Variants in TNS4 observed in about 807,000 individuals in gnomAD.
TNS4 encodes tensin 4.
TNS4 carries 46 observed loss-of-function variants against 70.4 expected under a neutral mutation model. The ratio of observed to expected loss-of-function variants is 0.65; its 90% CI spans 0.52 to 0.84. The LOEUF is 0.84. TNS4 is among the 40% of genes least tolerant of loss of function. The probability of loss-of-function intolerance (pLI) is 0.00; values close to 1 mark genes in which losing one functional copy is unlikely to be tolerated. For synonymous variants in TNS4, 390 were observed against 366.6 expected, an observed-to-expected ratio of 1.06 and a Z score of -0.73; for missense variants, 863 against 907.0, an observed-to-expected ratio of 0.95 and a Z score of 0.62.
At chr17:40,482,617 C>G (rs567813612) in intron 6 of TNS4, among the ~76,000 whole-genome samples, 25 of 148,272 alleles carry the variant, frequency 1.7e-4, no homozygotes, top group African/African-American at 5.7e-4. Context: ...CACACACACA[C>G]AGTCACACAC....
chr17:40,497,668 G>T (rs945399627), intron 1 of TNS4, among the ~76,000 whole-genome samples: 1 of 152,120 alleles, frequency 6.6e-6, no homozygotes, highest in South Asian at 2.1e-4. Flanking sequence ...AGTCTGGCCA[G>T]CAGGGAAGCT....
chr17:40,494,890 G>A (rs566530029), intron 2 of TNS4, among the ~76,000 whole-genome samples: 2 of 152,066 alleles, frequency 1.3e-5, no homozygotes, highest in Non-Finnish European at 2.9e-5. Context: ...ACCCTTGCTG[G>A]TAGTTTAAAG....
intron 3 of TNS4, among the ~76,000 whole-genome samples, chr17:40,488,168 GA>G (rs2036016692): frequency 6.6e-6 from 1 of 152,194 alleles, no homozygotes; most frequent in South Asian, 2.1e-4. Flanking sequence ...AGCAACAGAG[GA>G]AGGAACCTTT....
intron 1 of TNS4, among the ~76,000 whole-genome samples, chr17:40,501,282 A>T (rs1270818277): frequency 2.0e-5 from 3 of 152,122 alleles, no homozygotes; most frequent in African/African-American, 7.2e-5. Flanking sequence ...CCGCGTCTCT[A>T]CTAAACATAA....
rs150764507 is a variant in TNS4, at chr17:40,497,313, G to C, written c.-95-793C>G. 3.2e-3 allele frequency among the ~76,000 whole-genome samples: 488 copies of C among 152,236 alleles called. 2 individuals carry two copies. The highest frequency in any genetic ancestry group is 4.3e-3 in the Non-Finnish European group (293 of 67,998). On this transcript the variant is annotated intron_variant, in intron 1 of 12. Transcript: ENST00000254051. ...GAGGCAGAGAGGAAGATTTAAGTTA[G>C]AGGGGATGAGCTGGGCGTGATGGCT...
chr17:40,487,371 T>G lies in TNS4; in HGVS notation c.953A>C (p.His318Pro). 6.2e-7 allele frequency: 1 copy of G among 1,614,116 alleles called. No individual in the cohort carries two copies. Among genetic ancestry groups the G allele is most frequent in the Non-Finnish European group, 8.5e-7 (1 of 1,180,022 alleles). Reference sequence around the variant, plus strand: ...ACACAGGGACACTGAGCCAAGGCTGTGGAGGCTGGAGGAAGAGTTGGCTGG... The same window carrying G: ...ACACAGGGACACTGAGCCAAGGCTGGGGAGGCTGGAGGAAGAGTTGGCTGG... ...ESPANSSSSL[H>P]SLGSVSLCTR... The change falls in exon 4 of 13, where the codon CAC becomes CCC. Residue 318 changes from histidine (H) to proline (P), a missense_variant. By Grantham distance (77) the His-to-Pro change is moderately conservative (BLOSUM62 -2). Transcript: ENST00000254051.
intron 8 of TNS4, among the ~76,000 whole-genome samples, chr17:40,481,509 C>A (rs558413777): frequency 6.6e-6 from 1 of 152,140 alleles, no homozygotes; most frequent in South Asian, 2.1e-4. Flanking sequence ...GGATTACAGG[C>A]GCCCACCACC....
chr17:40,496,365 A>G lies in TNS4; in HGVS notation c.61T>C (p.Cys21Arg). 1.9e-6 allele frequency: 3 copies of G among 1,613,410 alleles called. No individual in the cohort carries two copies. Among genetic ancestry groups the G allele is most frequent in the Non-Finnish European group, 2.5e-6 (3 of 1,179,926 alleles). Residue 21 changes from cysteine (C) to arginine (R), a missense_variant, in exon 2 of 13, where the codon TGT becomes CGT. By Grantham distance (180) the Cys-to-Arg change is radical. Transcript: ENST00000254051. ...TGCAGGGTCCTCCTGGGCTCATCAC[A>G]AGGCGCCAAGCTGACAGCATGGCCT... ...AGGHAVSLAP[C>R]DEPRRTLHPA... is the part of the protein sequence containing the mutation.
At chr17:40,499,404 C>T (rs1443465662) in intron 1 of TNS4, among the ~76,000 whole-genome samples, 1 of 152,192 alleles carries the variant, frequency 6.6e-6, no homozygotes, top group Non-Finnish European at 1.5e-5. Context: ...GAATAAACCC[C>T]TTCCTTCTTT....
At chr17:40,479,540 A>G in intron 10 of TNS4, 134 bp downstream of exon 10, 3 of 1,097,264 alleles carry the variant, frequency 2.7e-6, no homozygotes, top group Non-Finnish European at 3.8e-6. Context: ...GGAGTCACTC[A>G]GCACATCACT....
chr17:40,478,241 TG>T, intron 12 of TNS4, 65 bp downstream of exon 12: 1 of 1,595,292 alleles, frequency 6.3e-7, no homozygotes, highest in Non-Finnish European at 8.6e-7. Context: ...GTCAGAATGG[TG>T]CCTCTTTCCT....
At chr17:40,483,494 C>T (rs754135136) in intron 6 of TNS4, among the ~76,000 whole-genome samples, 11 of 152,196 alleles carry the variant, frequency 7.2e-5, no homozygotes, top group Non-Finnish European at 1.5e-4. Flanking sequence ...AGCCACTGTG[C>T]CTGGCAAGGA....
At chr17:40,492,105 C>T (rs748229736) in intron 2 of TNS4, among the ~76,000 whole-genome samples, 11 of 152,088 alleles carry the variant, frequency 7.2e-5, no homozygotes, top group African/African-American at 1.9e-4. Flanking sequence ...CCCAGGAGGT[C>T]GCGCCTCAGA....
chr17:40,482,346 T>C lies in TNS4; in HGVS notation c.1572A>G (p.Gly524=). The part of the protein sequence containing the change: ...ESSAKGVHLK[G]ADEEPYFGSL... The stretch of plus-strand genomic sequence containing the variant: ...CACCAAAGTAGGGCTCCTCATCTGC[T>C]CCTTTGAGATGCACTCCTTTGGCAG... The change falls in exon 7 of 13, where the codon GGA becomes GGG. Residue 524 remains glycine (G), a synonymous_variant. Transcript: ENST00000254051. 4 of 1,614,064 alleles carry C rather than the reference T, an allele frequency of 2.5e-6. No homozygotes were observed. Among genetic ancestry groups the C allele is most frequent in the Non-Finnish European group, 3.4e-6 (4 of 1,180,020 alleles).
At chr17:40,478,159 A>G in intron 12 of TNS4, 148 bp downstream of exon 12, 2 of 1,030,814 alleles carry the variant, frequency 1.9e-6, no homozygotes, top group Non-Finnish European at 2.9e-6. Context: ...GGGCAGTCAA[A>G]GTCTTTCCCA....
intron 4 of TNS4, 109 bp downstream of exon 4, chr17:40,486,927 C>T (rs1414109083): frequency 1.4e-6 from 2 of 1,403,446 alleles, no homozygotes. Context: ...TAGTGCCAGA[C>T]ACACAATAGT....
chr17:40,500,090 A>C (rs536986326), intron 1 of TNS4, among the ~76,000 whole-genome samples: 1 of 152,262 alleles, frequency 6.6e-6, no homozygotes, highest in South Asian at 2.1e-4. Context: ...GGAGAGGTTG[A>C]GGAATTTGCC....
At chr17:40,481,524 C>T (rs1243575901) in intron 8 of TNS4, among the ~76,000 whole-genome samples, 1 of 152,172 alleles carries the variant, frequency 6.6e-6, no homozygotes, top group Non-Finnish European at 1.5e-5. Flanking sequence ...ACCACCACGC[C>T]CAGCTAAATT....
chr17:40,496,495 A>G lies in TNS4; in HGVS notation c.-70T>C. ...GCCTCACTGACATCCCAGAGATCTC[A>G]CTTGCTAACCAGGAGCTCCCAGGAT... On this transcript the variant is annotated 5_prime_UTR_variant, in exon 2 of 13. Coordinates refer to ENST00000254051, the MANE Select transcript of TNS4 (RefSeq NM_032865.6). The G allele has an allele frequency of 1.3e-6, 2 of 1,484,728 alleles. No homozygotes were observed. Among genetic ancestry groups the G allele is most frequent in the Non-Finnish European group, 1.8e-6 (2 of 1,110,526 alleles). The allele number at this position is 1,484,728 out of a possible 1,614,324, so 92.0% of individuals were successfully genotyped here. A position where few individuals can be genotyped will look rare whatever the true frequency, so the allele number is the denominator to read the frequency against.
Sources: allele counts gnomAD v4.1 joint callset (sites outside exome capture counted in the v4.1 genomes callset), GRCh38; gene constraint gnomAD v4.1.1; transcripts MANE v1.5; gene names NCBI Gene and HGNC (gene_info 2026-07-23, HGNC 2026-07-21).